Variants in CDH13 observed in about 807,000 individuals in gnomAD.
CDH13 encodes the protein cadherin 13.
Under a neutral mutation model 63.8 loss-of-function variants are expected in CDH13, and 24 were observed. That is an observed-to-expected ratio of 0.38 (90% confidence interval 0.27 to 0.53). The LOEUF (loss-of-function observed/expected upper bound fraction) is 0.53. Ranked by LOEUF, CDH13 falls within the 20% of genes least tolerant of loss-of-function variation. CDH13 has a pLI of 0.85. For missense variants in CDH13, 1,049 were observed against 903.1 expected, an observed-to-expected ratio of 1.16 and a Z score of -2.07; for synonymous variants, 503 against 355.3, an observed-to-expected ratio of 1.42 and a Z score of -4.67.
chr16:83,456,410 G>T (rs917806142), intron 6 of CDH13, among the ~76,000 whole-genome samples: 4 of 152,162 alleles, frequency 2.6e-5, no homozygotes, highest in African/African-American at 9.7e-5. Context: ...AATCCAAACT[G>T]GTGAGAAAGT....
intron 1 of CDH13, among the ~76,000 whole-genome samples, chr16:82,675,298 T>A (rs1913768774): frequency 6.6e-6 from 1 of 152,084 alleles, no homozygotes. Flanking sequence ...TAAATTTATC[T>A]AGCCCATCTA....
At chr16:83,030,035 A>G (rs1916160419) in intron 2 of CDH13, among the ~76,000 whole-genome samples, 1 of 152,174 alleles carries the variant, frequency 6.6e-6, no homozygotes, top group African/African-American at 2.4e-5. Flanking sequence ...TGTGTACCAC[A>G]TGCAGAATCA....
At chr16:83,360,016 G>C (rs1284658533) in intron 6 of CDH13, among the ~76,000 whole-genome samples, 1 of 152,224 alleles carries the variant, frequency 6.6e-6, no homozygotes, top group Non-Finnish European at 1.5e-5. Flanking sequence ...ATTTCATAGA[G>C]AGAGAGTACA....
At chr16:83,272,171 AAGTCTCC>A (rs2151847206) in intron 5 of CDH13, among the ~76,000 whole-genome samples, 1 of 152,354 alleles carries the variant, frequency 6.6e-6, no homozygotes, top group African/African-American at 2.4e-5. Context: ...AAATAAGATG[AAGTCTCC>A]AGCCATAAAG....
At chr16:82,763,415 GT>G (rs989736470) in intron 1 of CDH13, among the ~76,000 whole-genome samples, 4 of 152,166 alleles carry the variant, frequency 2.6e-5, no homozygotes, top group African/African-American at 9.6e-5. Context: ...CTTGGTCTCT[GT>G]TTAATTCCTA....
At chr16:83,627,144 G>T (rs1910384310) in intron 8 of CDH13, among the ~76,000 whole-genome samples, 1 of 146,382 alleles carries the variant, frequency 6.8e-6, no homozygotes, top group Non-Finnish European at 1.5e-5. Context: ...AAAAAAATGA[G>T]CTGAGTGTGG....
chr16:83,690,326 C>G (rs910251248), intron 10 of CDH13, among the ~76,000 whole-genome samples: 10 of 152,272 alleles, frequency 6.6e-5, no homozygotes, highest in South Asian at 2.1e-4. Flanking sequence ...GGAGCCATCA[C>G]TCTAGATAGA....
At chr16:83,222,500 T>C (rs1027853502) in intron 5 of CDH13, among the ~76,000 whole-genome samples, 2 of 152,176 alleles carry the variant, frequency 1.3e-5, no homozygotes, top group African/African-American at 4.8e-5. Context: ...TAGAGAGTTA[T>C]TTAAGTGATT....
chr16:82,646,642 T>C (rs1910128260), intron 1 of CDH13, among the ~76,000 whole-genome samples: 1 of 152,128 alleles, frequency 6.6e-6, no homozygotes, highest in African/African-American at 2.4e-5. Context: ...GAAGTGTGGG[T>C]TGTGAGCGAT....
intron 1 of CDH13, among the ~76,000 whole-genome samples, chr16:82,820,031 G>A (rs527312522): frequency 2.0e-5 from 3 of 152,102 alleles, no homozygotes; most frequent in Non-Finnish European, 2.9e-5. Flanking sequence ...GCAGTCAGAC[G>A]AGCCAGGAGG....
intron 10 of CDH13, among the ~76,000 whole-genome samples, chr16:83,734,839 G>A (rs866285179): frequency 2.6e-5 from 4 of 151,874 alleles, no homozygotes; most frequent in Middle Eastern, 6.9e-3. Flanking sequence ...TGGATGAGGG[G>A]TCTGGCTCCT....
chr16:83,783,780 G>A (rs189272043), intron 13 of CDH13, among the ~76,000 whole-genome samples: 211 of 152,190 alleles, frequency 1.4e-3, no homozygotes, highest in Non-Finnish European at 1.0e-3. Flanking sequence ...ATGAAAATGC[G>A]CCCAGATTAG....
At chr16:82,724,301 A>G (rs2032961609) in intron 1 of CDH13, among the ~76,000 whole-genome samples, 1 of 151,996 alleles carries the variant, frequency 6.6e-6, no homozygotes, top group African/African-American at 2.4e-5. Flanking sequence ...CCATCCATCC[A>G]TATATTTATT....
chr16:83,019,158 G>T (rs915511462), intron 2 of CDH13, among the ~76,000 whole-genome samples: 2 of 152,022 alleles, frequency 1.3e-5, no homozygotes, highest in African/African-American at 4.8e-5. Context: ...GGCTCTTGTG[G>T]TAACACTTAG....
chr16:83,702,763 G>C (rs74837370), intron 10 of CDH13, among the ~76,000 whole-genome samples: 1 of 152,172 alleles, frequency 6.6e-6, no homozygotes, highest in South Asian at 2.1e-4. Context: ...TGGCACTGTG[G>C]GGAGGGGCTT....
chr16:82,996,209 C>G (rs1313004579), intron 2 of CDH13, among the ~76,000 whole-genome samples: 4 of 151,874 alleles, frequency 2.6e-5, no homozygotes. Flanking sequence ...TCATTATGTT[C>G]CTTTCCTGTT....
chr16:83,701,666 C>T (rs1906250088), intron 10 of CDH13, among the ~76,000 whole-genome samples: 1 of 152,204 alleles, frequency 6.6e-6, no homozygotes, highest in African/African-American at 2.4e-5. Flanking sequence ...CCAACAACCC[C>T]TGCGCCCTTA....
chr16:83,617,827 TTATTC>T (rs1199537107), intron 8 of CDH13, among the ~76,000 whole-genome samples: 15 of 151,990 alleles, frequency 9.9e-5, no homozygotes, highest in Non-Finnish European at 1.9e-4. Flanking sequence ...TATATAATAT[TTATTC>T]TATTCTAATA....
At chr16:83,358,207 C>G (rs908878405) in intron 6 of CDH13, among the ~76,000 whole-genome samples, 28 of 152,128 alleles carry the variant, frequency 1.8e-4, no homozygotes, top group African/African-American at 6.5e-4. Context: ...GAAGTACTGA[C>G]CAACAAGCTA....
Sources: gnomAD v4.1 joint callset for allele counts (sites outside exome capture counted in the v4.1 genomes callset) on GRCh38, gnomAD v4.1.1 for gene constraint, MANE v1.5 for transcripts, NCBI Gene and HGNC (gene_info 2026-07-23, HGNC 2026-07-21) for gene names.